The following OXR1 variants were observed in gnomAD, a reference collection of about 807,000 sequenced individuals.
OXR1 encodes oxidation resistance protein 1.
A neutral mutation model predicts 104.6 loss-of-function variants in OXR1; 41 were observed. The ratio of observed to expected loss-of-function variants is 0.39; its 90% CI spans 0.31 to 0.51. The LOEUF (loss-of-function observed/expected upper bound fraction) is 0.51. Among genes scored for constraint, OXR1 ranks in the 20% least tolerant of loss-of-function variants. OXR1 has a pLI of 0.77. For missense variants in OXR1, 955 were observed against 1,031.9 expected (o/e 0.93, Z 1.02); for synonymous variants, 348 against 348.4 (o/e 1.00, Z 0.01).
Position 106,518,982 on chromosome 8 carries a change from A to G in OXR1, c.63A>G (p.Pro21=), listed in dbSNP as rs747280616. 6.4e-6 allele frequency: 10 copies of G among 1,551,530 alleles called. No individual in the cohort carries two copies. The highest frequency in any genetic ancestry group is 1.4e-5 in the African/African-American group (1 of 73,168). The change falls in exon 3 of 17, where the codon CCA becomes CCG. Residue 21 remains proline, a synonymous_variant. Transcript: ENST00000517566. ...KKSQSVDINA[P]GFNPLAGAGK... ...CCCAGTCGGTGGATATTAATGCTCC[A>G]GGGTTCAACCCTTTGGCTGGTGCAG...
chr8:106,480,848 A>C (rs2444317), intron 2 of OXR1, among the ~76,000 whole-genome samples: 16,403 of 151,792 alleles, frequency 0.11, 973 homozygotes, highest in African/African-American at 0.15. Context: ...ACATGAAAAA[A>C]CTCTTTAGAC....
rs374242875 is a variant in OXR1 at position 106,748,339 on chromosome 8, T to A, written c.2487-2467T>A. Among the ~76,000 whole-genome samples the A allele has an allele frequency of 2.0e-5, 3 of 152,264 alleles. No homozygotes were observed. In the South Asian group the frequency reaches 6.2e-4, roughly 32 times the overall value. On this transcript the variant is annotated intron_variant, in intron 16 of 16. Coordinates refer to ENST00000517566, the MANE Select transcript of OXR1 (RefSeq NM_001198533.2). ...TGCAGTGCTTCTGTATCACAGACTC[T>A]GGATTGTTATGATTTTCAGGGTGTT... is the stretch of plus-strand genomic sequence containing the variant.
rs772832409 is a variant in OXR1 at position 106,294,816 on chromosome 8, G to A, written c.-139+24449G>A. ...CAAACCATATCACAGGGTAACTCAAGCAAACCCTTACTTGTTCTTGAAAAC... is the reference window on the plus strand; with the variant it reads ...CAAACCATATCACAGGGTAACTCAAACAAACCCTTACTTGTTCTTGAAAAC... On this transcript the variant is annotated intron_variant, in intron 1 of 16. Transcript: ENST00000517566. Among the ~76,000 whole-genome samples, 8 of 152,126 alleles carry A rather than the reference G, an allele frequency of 5.3e-5. 1 individual carries two copies. Among genetic ancestry groups the A allele is most frequent in the Admixed American group, 3.3e-4 (5 of 15,264 alleles).
chr8:106,690,064 TTA>T (rs1368619899), intron 6 of OXR1, among the ~76,000 whole-genome samples: 2 of 150,922 alleles, frequency 1.3e-5, no homozygotes, highest in Non-Finnish European at 3.0e-5. Flanking sequence ...ATATACAATA[TTA>T]TATGTTATAT....
intron 2 of OXR1, among the ~76,000 whole-genome samples, chr8:106,372,001 CA>C (rs1816725985): frequency 1.3e-5 from 2 of 152,204 alleles, no homozygotes; most frequent in Admixed American, 1.3e-4. Context: ...GCCTCTCCCA[CA>C]AGGAGCTCAA....
chr8:106,383,245 C>A (rs1395444719), intron 2 of OXR1, among the ~76,000 whole-genome samples: 1 of 152,026 alleles, frequency 6.6e-6, no homozygotes, highest in East Asian at 1.9e-4. Flanking sequence ...AGGTTTATAG[C>A]ATTAAAGTTG....
intron 3 of OXR1, among the ~76,000 whole-genome samples, chr8:106,557,021 CT>C (rs1563603646): frequency 6.6e-6 from 1 of 152,116 alleles, no homozygotes; most frequent in Admixed American, 6.6e-5. Context: ...CTGCAGTTTT[CT>C]TTTTTCCCCA....
chr8:106,276,722 TCTC>T (rs557466340), intron 1 of OXR1, among the ~76,000 whole-genome samples: 1 of 148,436 alleles, frequency 6.7e-6, no homozygotes, highest in South Asian at 2.1e-4. Context: ...CTCAAGAGCT[TCTC>T]CTTTCAGCTG....
In OXR1 at chr8:106,692,842, C is replaced by G; in HGVS notation, c.640C>G (p.Leu214Val). Residue 214 changes from leucine to valine, a missense_variant, in exon 7 of 17, where the codon CTT becomes GTT. By Grantham distance (32) the Leu-to-Val change is conservative. Around this residue, in one of 2 missense-constraint regions of OXR1, gnomAD observed 849 missense variants for 852.9 expected, o/e 1.00. Coordinates refer to ENST00000517566, the MANE Select transcript of OXR1 (RefSeq NM_001198533.2). ...GGAGGAAGCATTTACTGAGAAATTT[C>G]TTAAAATTAATTGCAAATATATTAC... is the stretch of plus-strand genomic sequence containing the variant. ...EEEEAFTEKF[L>V]KINCKYITSG... 1.9e-6 allele frequency: 3 copies of G among 1,605,854 alleles called. No homozygotes were observed. The highest frequency in any genetic ancestry group is 2.6e-6 in the Non-Finnish European group (3 of 1,174,578).
At chr8:106,420,205 C>G (rs1224287966) in intron 2 of OXR1, among the ~76,000 whole-genome samples, 2 of 151,944 alleles carry the variant, frequency 1.3e-5, no homozygotes, top group Non-Finnish European at 2.9e-5. Context: ...AAAGTTATAG[C>G]ATTTGTTAAA....
chr8:106,598,483 T>G (rs1819696904), intron 3 of OXR1, among the ~76,000 whole-genome samples: 1 of 152,204 alleles, frequency 6.6e-6, no homozygotes, highest in South Asian at 2.1e-4. Flanking sequence ...TCTGGCAATT[T>G]CACAGTTCTG....
chr8:106,582,384 AAAATAGC>A (rs1388086165), intron 3 of OXR1, among the ~76,000 whole-genome samples: 2 of 152,040 alleles, frequency 1.3e-5, no homozygotes, highest in Non-Finnish European at 2.9e-5. Context: ...GTGGCAGCTG[AAAATAGC>A]AAACCTGGGG....
intron 3 of OXR1, among the ~76,000 whole-genome samples, chr8:106,598,668 T>A (rs1056911948): frequency 2.0e-5 from 3 of 152,226 alleles, no homozygotes; most frequent in African/African-American, 7.2e-5. Flanking sequence ...TTGGAAAGTT[T>A]ACAAATATCC....
In OXR1 at chr8:106,501,331, C is replaced by A. The variant is rs117332805; in HGVS notation, c.24-17612C>A. 2.5e-4 allele frequency among the ~76,000 whole-genome samples: 38 copies of A among 152,084 alleles called. No homozygotes were observed. In the East Asian group the frequency reaches 7.4e-3, roughly 29 times the overall value. On this transcript the variant is annotated intron_variant, in intron 2 of 16. Transcript: ENST00000517566. ...CTCAGAACAGAAAGGAAAGTGTGAA[C>A]AGAACAGAGAGAGGGAGGAGGAGCA...
intron 2 of OXR1, among the ~76,000 whole-genome samples, chr8:106,447,422 C>T (rs1347697264): frequency 6.6e-6 from 1 of 152,178 alleles, no homozygotes; most frequent in East Asian, 1.9e-4. Context: ...CAAATCTCAT[C>T]TCTGCCACTT....
intron 3 of OXR1, among the ~76,000 whole-genome samples, chr8:106,678,697 G>A (rs1334942667): frequency 6.6e-6 from 1 of 151,906 alleles, no homozygotes; most frequent in Non-Finnish European, 1.5e-5. Context: ...CTATATGAAA[G>A]CACACCTTGA....
chr8:106,401,087 T>C (rs1586606403), intron 2 of OXR1, among the ~76,000 whole-genome samples: 2 of 152,206 alleles, frequency 1.3e-5, no homozygotes, highest in Admixed American at 6.5e-5. Context: ...TTTTCAATCA[T>C]GTACCTTCCA....
chr8:106,519,209 C>CTGTT, intron 3 of OXR1, 70 bp downstream of exon 3: 5 of 1,070,112 alleles, frequency 4.7e-6, no homozygotes, highest in Non-Finnish European at 6.7e-6. Flanking sequence ...ATTTCTGGGT[C>CTGTT]TGTTTAGTTA....
intron 3 of OXR1, among the ~76,000 whole-genome samples, chr8:106,621,393 A>G (rs1821684055): frequency 6.6e-6 from 1 of 152,070 alleles, no homozygotes; most frequent in South Asian, 2.1e-4. Flanking sequence ...CCAGGCTGCA[A>G]TGAGCTATGA....
Sources: gnomAD v4.1 joint callset for allele counts (sites outside exome capture counted in the v4.1 genomes callset) on GRCh38, gnomAD v4.1.1 for gene constraint, gnomAD v4.1.1 regional missense constraint, MANE v1.5 for transcripts, NCBI Gene and HGNC (gene_info 2026-07-23, HGNC 2026-07-21) for gene names.